The following TRMT9B variants were observed in gnomAD, a reference collection of about 807,000 sequenced individuals.
TRMT9B encodes probable tRNA methyltransferase 9B.
A neutral mutation model predicts 11.5 loss-of-function variants in TRMT9B; 16 were observed. The ratio of observed to expected loss-of-function variants is 1.39; its 90% CI spans 0.94 to 2.11. The LOEUF (loss-of-function observed/expected upper bound fraction) is 2.11, where lower values mean the gene tolerates loss of function less well. Ranked by LOEUF, TRMT9B falls within the 30% of genes most tolerant of loss-of-function variation. The pLI is 0.00. For synonymous variants in TRMT9B, 274 were observed against 192.4 expected (o/e 1.42, Z -3.51); for missense variants, 941 against 553.8 (o/e 1.70, Z -7.02).
intron 2 of TRMT9B, among the ~76,000 whole-genome samples, chr8:13,000,485 T>C (rs565852424): frequency 6.6e-6 from 1 of 152,202 alleles, no homozygotes; most frequent in Non-Finnish European, 1.5e-5. Context: ...AGGCAGAGTT[T>C]GTGGGGCAAG....
At chr8:12,989,446 G>T (rs559166033) in intron 1 of TRMT9B, among the ~76,000 whole-genome samples, 42 of 152,208 alleles carry the variant, frequency 2.8e-4, no homozygotes, top group African/African-American at 1.0e-3. Flanking sequence ...TAGGTGTTTT[G>T]GGTGCCTGAT....
At chr8:12,962,146 TG>T (rs1428511625) in intron 1 of TRMT9B, 1 of 152,418 alleles carries the variant, frequency 6.6e-6, no homozygotes, top group Non-Finnish European at 1.5e-5. Flanking sequence ...AGGAAGCTCT[TG>T]GGGCTATGCA....
At chr8:12,969,327 A>C (rs1300619886) in intron 1 of TRMT9B, among the ~76,000 whole-genome samples, 1 of 152,168 alleles carries the variant, frequency 6.6e-6, no homozygotes, top group Admixed American at 6.5e-5. Context: ...GAGGCCTGTA[A>C]ATCTACCTTC....
chr8:13,000,309 C>T (rs1445952248), intron 2 of TRMT9B, among the ~76,000 whole-genome samples: 1 of 152,150 alleles, frequency 6.6e-6, no homozygotes, highest in African/African-American at 2.4e-5. Flanking sequence ...GAAAACTAAA[C>T]ATTTGTGACT....
intron 2 of TRMT9B, among the ~76,000 whole-genome samples, chr8:12,991,351 A>T (rs1519150): frequency 0.68 from 102,714 of 152,040 alleles, 35,321 homozygotes; most frequent in Middle Eastern, 0.79. Flanking sequence ...TGATATATAG[A>T]TGTTAAGTGT....
At chr8:12,969,273 C>T (rs1803253602) in intron 1 of TRMT9B, among the ~76,000 whole-genome samples, 1 of 152,168 alleles carries the variant, frequency 6.6e-6, no homozygotes, top group Non-Finnish European at 1.5e-5. Context: ...AGGTTTCCAT[C>T]CATCCTAGTC....
intron 4 of TRMT9B, among the ~76,000 whole-genome samples, chr8:13,015,791 T>G (rs1563438258): frequency 6.6e-6 from 1 of 152,092 alleles, no homozygotes; most frequent in African/African-American, 2.4e-5. Context: ...CTATTTTCAG[T>G]TTACATCTCA....
At chr8:12,947,416 G>A (rs751828856) in intron 1 of TRMT9B, among the ~76,000 whole-genome samples, 14 of 152,186 alleles carry the variant, frequency 9.2e-5, no homozygotes, top group Admixed American at 6.5e-4. Context: ...AGAAAAGTGG[G>A]TAAAAATACA....
At chr8:12,982,240 A>G (rs1184584682) in intron 1 of TRMT9B, among the ~76,000 whole-genome samples, 1 of 152,128 alleles carries the variant, frequency 6.6e-6, no homozygotes, top group Non-Finnish European at 1.5e-5. Flanking sequence ...CCCCAGGCAG[A>G]GGTGATAGGG....
chr8:13,021,554 T>C lies in TRMT9B; in HGVS notation c.875T>C (p.Leu292Ser). 1.2e-6 allele frequency: 2 copies of C among 1,613,934 alleles called. No homozygotes were observed. Among genetic ancestry groups the C allele is most frequent in the Non-Finnish European group, 8.5e-7 (1 of 1,179,854 alleles). ...VTVQPSRHSSLDFDHQEPFST... is the reference protein window; with the variant it reads ...VTVQPSRHSSSDFDHQEPFST... ...GTCCAGCCTTCCAGACACTCTAGTT[T>C]AGACTTTGATCACCAAGAGCCATTT... Residue 292 changes from leucine to serine, a missense_variant, in exon 5 of 5, where the codon TTA (leucine) becomes TCA (serine). Leu to Ser is a moderately radical substitution (Grantham distance 145, BLOSUM62 -2). Coordinates refer to ENST00000524591, the MANE Select transcript of TRMT9B (RefSeq NM_020844.3).
chr8:12,948,961 AAAAC>A lies in TRMT9B; in HGVS notation c.-200+3007_-200+3010del, dbSNP rs546091011. Among the ~76,000 whole-genome samples the A allele has an allele frequency of 1.8e-4, 27 of 152,334 alleles. 1 individual carries two copies. In the South Asian group the frequency reaches 5.4e-3, roughly 30 times the overall value. On this transcript the variant is annotated intron_variant, in intron 1 of 4. Transcript: ENST00000524591. ...GGTGACAGGGCAAGACTCCGTTTCA[AAAAC>A]AAACAAACAAAAAACCAGAAAAACA...
At position 12,948,092 on chromosome 8, in the gene TRMT9B, T is replaced by C. The variant is rs7005552; in HGVS notation, c.-200+2126T>C. ...TGGGGGTTACATCCTAATAAACCCA[T>C]TGTAAATGGAAAGTGTTGTAAAATG... On this transcript the variant is annotated intron_variant, in intron 1 of 4. Transcript: ENST00000524591. 3.3e-3 allele frequency among the ~76,000 whole-genome samples: 496 copies of C among 152,298 alleles called. 4 individuals are homozygous for C. Among genetic ancestry groups the C allele is most frequent in the African/African-American group, 0.01 (433 of 41,578 alleles).
intron 1 of TRMT9B, among the ~76,000 whole-genome samples, chr8:12,955,372 G>C (rs1272801885): frequency 1.3e-5 from 2 of 152,072 alleles, no homozygotes; most frequent in Admixed American, 6.6e-5. Context: ...TTGGTGTATG[G>C]TCCTCTTCAC....
rs116911222 is a variant in TRMT9B at position 12,950,123 on chromosome 8, G to A, written c.-200+4157G>A. On this transcript the variant is annotated intron_variant, in intron 1 of 4. Coordinates refer to ENST00000524591, the MANE Select transcript of TRMT9B (RefSeq NM_020844.3). ...CCCACCTCAGCCTCCCAAACTGCTG[G>A]AATAACAGGCATGAGCCACCTCACC... is the stretch of plus-strand genomic sequence containing the variant. Among the ~76,000 whole-genome samples the A allele has an allele frequency of 7.9e-4, 120 of 152,282 alleles. 1 individual carries two copies. The East Asian group carries it at 0.023, about 29-fold the overall frequency.
intron 4 of TRMT9B, among the ~76,000 whole-genome samples, chr8:13,018,640 C>T (rs572325108): frequency 1.8e-4 from 28 of 152,262 alleles, no homozygotes; most frequent in African/African-American, 6.5e-4. Context: ...TCCCAAGAGG[C>T]ATACAGCGGT....
chr8:13,012,980 TA>T lies in TRMT9B; in HGVS notation c.328+130del, dbSNP rs1429987701. 6 of 1,235,008 alleles carry T rather than the reference TA, an allele frequency of 4.9e-6. No homozygotes were observed. In the African/African-American group the frequency reaches 7.6e-5, roughly 16 times the overall value. The allele number at this position is 1,235,008 out of a possible 1,614,324, so 76.5% of individuals were successfully genotyped here. ...TCAATGTAATTTATTTTATCTAATT[TA>T]AAAAAATTGTTTCAACTACTTGACT... is the stretch of plus-strand genomic sequence containing the variant. On this transcript the variant is annotated intron_variant, in intron 4 of 4. Transcript: ENST00000524591.
intron 3 of TRMT9B, chr8:13,011,698 A>G: frequency 1.0e-6 from 1 of 978,492 alleles, no homozygotes; most frequent in Non-Finnish European, 1.2e-6. Flanking sequence ...TAAATCCTGA[A>G]TTACTTAGGT....
chr8:12,982,156 A>C (rs1284413412), intron 1 of TRMT9B, among the ~76,000 whole-genome samples: 1 of 152,138 alleles, frequency 6.6e-6, no homozygotes, highest in African/African-American at 2.4e-5. Flanking sequence ...CTAGTTCTCC[A>C]GTTGTCCCTT....
intron 1 of TRMT9B, among the ~76,000 whole-genome samples, chr8:12,957,210 AG>A (rs2128859908): frequency 6.6e-6 from 1 of 152,342 alleles, no homozygotes; most frequent in Non-Finnish European, 1.5e-5. Flanking sequence ...AGCAACAAAA[AG>A]GTAGCCAAGA....
Sources: allele counts gnomAD v4.1 joint callset (sites outside exome capture counted in the v4.1 genomes callset), GRCh38; gene constraint gnomAD v4.1.1; transcripts MANE v1.5; gene names NCBI Gene and HGNC (gene_info 2026-07-23, HGNC 2026-07-21).